SLFN12L: variants seen among roughly 807,000 people sequenced by gnomAD.
SLFN12L encodes the protein schlafen family member 12 like, also known as schlafen family member 12-like.
A neutral mutation model predicts 34.8 loss-of-function variants in SLFN12L; 34 were observed. The ratio of observed to expected loss-of-function variants is 0.98; its 90% CI spans 0.74 to 1.30. The LOEUF (loss-of-function observed/expected upper bound fraction) is 1.30. SLFN12L is among the 50% of genes most tolerant of loss of function. SLFN12L has a pLI of 0.00. For synonymous variants in SLFN12L, 259 were observed against 247.5 expected (o/e 1.05, Z -0.44); for missense variants, 703 against 696.2 (o/e 1.01, Z -0.11).
intron 2 of SLFN12L, among the ~76,000 whole-genome samples, chr17:35,505,410 C>G (rs1000565011): frequency 1.3e-5 from 2 of 152,212 alleles, no homozygotes; most frequent in Admixed American, 1.3e-4. Flanking sequence ...GCAGCAACAG[C>G]TCTGCTAGCA....
At chr17:35,500,018 G>A (rs1769929143) in intron 2 of SLFN12L, 1 of 152,634 alleles carries the variant, frequency 6.6e-6, no homozygotes. Flanking sequence ...TCTGCCTCAT[G>A]TTACTTTGGA....
chr17:35,479,649 A>AAC lies in SLFN12L; in HGVS notation c.631_632dup (p.Asp212LeufsTer28). 2.5e-6 allele frequency: 4 copies of AAC among 1,611,424 alleles called. No homozygotes were observed. Among genetic ancestry groups the AAC allele is most frequent in the Non-Finnish European group, 3.4e-6 (4 of 1,178,532 alleles). ...CCATGTTACTTTCTTCTTGTACATC[A>AAC]ACACAGGCCCTTTTTGCAGGGAATT... On this transcript the variant is annotated frameshift_variant, in exon 3 of 5. Coordinates refer to ENST00000628453, the MANE Select transcript of SLFN12L (RefSeq NM_001363830.2). LOFTEE classifies it high-confidence loss of function.
intron 2 of SLFN12L, among the ~76,000 whole-genome samples, chr17:35,492,999 G>A (rs1036381876): frequency 6.6e-5 from 10 of 151,470 alleles, no homozygotes; most frequent in African/African-American, 2.2e-4. Flanking sequence ...AAAACCACAA[G>A]AGCCTCAGCC....
At chr17:35,521,934 C>T (rs891819945) in intron 2 of SLFN12L, among the ~76,000 whole-genome samples, 1 of 151,788 alleles carries the variant, frequency 6.6e-6, no homozygotes, top group Admixed American at 6.6e-5. Flanking sequence ...AAAATGGACA[C>T]AGGAAAGGGA....
chr17:35,493,028 T>A (rs1005498679), intron 2 of SLFN12L, among the ~76,000 whole-genome samples: 1 of 151,854 alleles, frequency 6.6e-6, no homozygotes. Context: ...CCAGGTAGAT[T>A]TCCACAATAT....
At chr17:35,491,277 T>A in intron 2 of SLFN12L, 1 of 819,716 alleles carries the variant, frequency 1.2e-6, no homozygotes, top group Non-Finnish European at 1.9e-6. Context: ...AAAACCAATT[T>A]TTTTAAATCA....
At chr17:35,528,246 A>C (rs1007516360) in intron 1 of SLFN12L, among the ~76,000 whole-genome samples, 3 of 152,374 alleles carry the variant, frequency 2.0e-5, no homozygotes, top group South Asian at 2.1e-4. Context: ...GGATAGGAAG[A>C]ATCAATATTG....
At chr17:35,524,079 G>A (rs2072308724) in intron 1 of SLFN12L, among the ~76,000 whole-genome samples, 1 of 152,196 alleles carries the variant, frequency 6.6e-6, no homozygotes, top group Non-Finnish European at 1.5e-5. Context: ...AACTTTACTG[G>A]TAATTGTTTA....
chr17:35,482,882 T>C (rs1467505482), intron 2 of SLFN12L, among the ~76,000 whole-genome samples: 8 of 152,132 alleles, frequency 5.3e-5, no homozygotes. Flanking sequence ...CTTCTGGGGC[T>C]GCATGTGGAC....
In SLFN12L at chr17:35,480,181, C is replaced by A. The variant is rs781396920; in HGVS notation, c.101G>T (p.Arg34Leu). 6.3e-7 allele frequency: 1 copy of A among 1,583,514 alleles called. No homozygotes were observed. The highest frequency in any genetic ancestry group is 8.6e-7 in the Non-Finnish European group (1 of 1,165,848). Residue 34 changes from arginine (R) to leucine (L), a missense_variant, in exon 3 of 5, where the codon CGT becomes CTT. Transcript: ENST00000628453. ...LRNFIRKEFL[R>L]GNGLAAGKMN... ...TTTCCCAGCAGCTAAGCCATTTCCA[C>A]GCAGAAATTCTTTTCTGTAAAATAG...
chr17:35,521,615 T>C (rs968949924), intron 2 of SLFN12L, among the ~76,000 whole-genome samples: 28 of 152,154 alleles, frequency 1.8e-4, no homozygotes, highest in Admixed American at 3.9e-4. Flanking sequence ...ATTCCAGCAA[T>C]TGGGGAGGCT....
At chr17:35,504,292 T>C (rs115307435) in intron 2 of SLFN12L, among the ~76,000 whole-genome samples, 1,551 of 152,266 alleles carry the variant, frequency 0.01, 34 homozygotes, top group African/African-American at 0.035. Flanking sequence ...GTAGAGAGTT[T>C]TTATGCTGTA....
chr17:35,483,406 A>C (rs1002421474), intron 2 of SLFN12L, among the ~76,000 whole-genome samples: 1 of 152,108 alleles, frequency 6.6e-6, no homozygotes, highest in Admixed American at 6.5e-5. Flanking sequence ...TGGCCAGAAA[A>C]TCAACACCCT....
At chr17:35,485,018 T>C (rs1036713415) in intron 2 of SLFN12L, among the ~76,000 whole-genome samples, 20 of 152,224 alleles carry the variant, frequency 1.3e-4, no homozygotes, top group African/African-American at 4.8e-4. Flanking sequence ...TTTGTTGGCA[T>C]ACAATTTTTT....
intron 2 of SLFN12L, among the ~76,000 whole-genome samples, chr17:35,516,769 T>G (rs988285163): frequency 6.6e-6 from 1 of 152,228 alleles, no homozygotes; most frequent in African/African-American, 2.4e-5. Flanking sequence ...AACAGAAATA[T>G]AATGCAATAC....
intron 2 of SLFN12L, chr17:35,490,278 C>G: frequency 3.3e-6 from 5 of 1,505,602 alleles, no homozygotes; most frequent in Non-Finnish European, 4.6e-6. Flanking sequence ...TCAAAAACCC[C>G]CAAGGGCAAA....
chr17:35,536,498 T>C (rs61435230), intron 1 of SLFN12L, among the ~76,000 whole-genome samples: 5,211 of 152,196 alleles, frequency 0.034, 262 homozygotes, highest in African/African-American at 0.12. Flanking sequence ...GAAAACAAAA[T>C]AGTTTATATA....
chr17:35,476,329 G>A (rs1914002248), intron 4 of SLFN12L, among the ~76,000 whole-genome samples: 1 of 152,060 alleles, frequency 6.6e-6, no homozygotes, highest in African/African-American at 2.4e-5. Flanking sequence ...GGCTGGGTGT[G>A]GTGGCTTATG....
At position 35,469,280 on chromosome 17, in the gene SLFN12L, T is replaced by C. The variant is rs1450435486; in HGVS notation, c.*5643A>G. Reference sequence around the variant, plus strand: ...CCAACAACCTGACTGCAGGACCTGTTTTATATAAAATATATATATATAAAA... The same window carrying C: ...CCAACAACCTGACTGCAGGACCTGTCTTATATAAAATATATATATATAAAA... On this transcript the variant is annotated 3_prime_UTR_variant, in exon 5 of 5. Coordinates refer to ENST00000628453, the MANE Select transcript of SLFN12L (RefSeq NM_001363830.2). 7.0e-6 allele frequency among the ~76,000 whole-genome samples: 1 copy of C among 143,408 alleles called. No homozygotes were observed. Among genetic ancestry groups the C allele is most frequent in the Non-Finnish European group, 1.5e-5 (1 of 66,268 alleles). The allele number at this position is 143,408 out of a possible 152,430, so 94.1% of individuals were successfully genotyped here. A position where few individuals can be genotyped will look rare whatever the true frequency, so the allele number is the denominator to read the frequency against.
Sources: allele counts gnomAD v4.1 joint callset (sites outside exome capture counted in the v4.1 genomes callset), GRCh38; gene constraint gnomAD v4.1.1; transcripts MANE v1.5; gene names NCBI Gene and HGNC (gene_info 2026-07-23, HGNC 2026-07-21).